Variants in PPIH observed in about 807,000 individuals in gnomAD.
PPIH encodes peptidylprolyl isomerase H.
PPIH carries 16 observed loss-of-function variants against 27.6 expected under a neutral mutation model. That is an observed-to-expected ratio of 0.58 (90% CI 0.39 to 0.88). The LOEUF (loss-of-function observed/expected upper bound fraction) is 0.88, where lower values mean the gene tolerates loss of function less well. Among genes scored for constraint, PPIH ranks in the 40% least tolerant of loss-of-function variants. The probability of loss-of-function intolerance (pLI) is 0.00; values close to 1 mark genes in which losing one functional copy is unlikely to be tolerated. For missense variants in PPIH, 155 were observed against 224.1 expected, an observed-to-expected ratio of 0.69 and a Z score of 1.97; for synonymous variants, 63 against 76.1, an observed-to-expected ratio of 0.83 and a Z score of 0.90.
intron 5 of PPIH, among the ~76,000 whole-genome samples, chr1:42,663,436 G>A (rs1470255976): frequency 6.6e-6 from 1 of 151,478 alleles, no homozygotes; most frequent in African/African-American, 2.4e-5. Flanking sequence ...TCGCTCTGTC[G>A]CCCAGGCTGG....
intron 7 of PPIH, 113 bp downstream of exon 7, chr1:42,666,180 G>C: frequency 1.0e-6 from 1 of 1,003,934 alleles, no homozygotes; most frequent in Non-Finnish European, 1.5e-6. Context: ...AACTGCTTAG[G>C]TGGTAATAGA....
chr1:42,663,765 G>A (rs1320527773), intron 5 of PPIH, among the ~76,000 whole-genome samples: 1 of 152,218 alleles, frequency 6.6e-6, no homozygotes, highest in East Asian at 1.9e-4. Flanking sequence ...GTTTGAATTT[G>A]GACAGTTTTT....
chr1:42,678,503 G>A (rs1362368093), downstream of PPIH, among the ~76,000 whole-genome samples: 3 of 152,168 alleles, frequency 2.0e-5, no homozygotes, highest in Non-Finnish European at 2.9e-5. Context: ...AGGTTCAAGC[G>A]ATTCTCCTGC....
chr1:42,663,795 T>G (rs1008458874), intron 5 of PPIH, among the ~76,000 whole-genome samples: 4 of 152,222 alleles, frequency 2.6e-5, no homozygotes, highest in African/African-American at 9.6e-5. Flanking sequence ...CTGGCTTATA[T>G]TAATGGTAGT....
At chr1:42,677,073 G>A (rs1484204030), downstream of PPIH, among the ~76,000 whole-genome samples, 1 of 152,216 alleles carries the variant, frequency 6.6e-6, no homozygotes, top group Non-Finnish European at 1.5e-5. Flanking sequence ...TGAGGAAAGG[G>A]TCACTAACTT....
At position 42,659,571 on chromosome 1, in the gene PPIH, G is replaced by T. The variant is rs1465608075; in HGVS notation, c.200+5G>T. On this transcript the variant is annotated splice_donor_5th_base_variant and intron_variant, in intron 4 of 9. Transcript: ENST00000304979. ...CAAAGGAAGCACCTTCCACAGGTAA[G>T]GCTCTTGGCAAGCCATCCTGGAGTC... 2 of 1,612,484 alleles carry T rather than the reference G, an allele frequency of 1.2e-6. No individual in the cohort carries two copies. Among genetic ancestry groups the T allele is most frequent in the Non-Finnish European group, 1.7e-6 (2 of 1,179,688 alleles).
At chr1:42,662,035 T>C (rs1649053350) in intron 5 of PPIH, among the ~76,000 whole-genome samples, 1 of 152,206 alleles carries the variant, frequency 6.6e-6, no homozygotes, top group Admixed American at 6.5e-5. Flanking sequence ...TGTGGGCATT[T>C]GTTTGCAGCC....
intron 9 of PPIH, among the ~76,000 whole-genome samples, chr1:42,670,827 G>A (rs565049947): frequency 3.9e-5 from 6 of 151,992 alleles, no homozygotes; most frequent in Non-Finnish European, 8.8e-5. Context: ...ATGGAGTCTC[G>A]CTCTGTCGCC....
chr1:42,662,689 T>G (rs1649105889), intron 5 of PPIH, among the ~76,000 whole-genome samples: 1 of 152,234 alleles, frequency 6.6e-6, no homozygotes, highest in Non-Finnish European at 1.5e-5. Context: ...ATTTTTGGTT[T>G]TAATAGTATT....
intron 8 of PPIH, 54 bp downstream of exon 8, chr1:42,666,641 T>TG: frequency 1.9e-6 from 3 of 1,555,134 alleles, no homozygotes; most frequent in Non-Finnish European, 2.7e-6. Flanking sequence ...TGGTACTGTC[T>TG]GACTAGCGTG....
intron 4 of PPIH, among the ~76,000 whole-genome samples, chr1:42,660,354 A>G (rs1196830680): frequency 6.6e-6 from 1 of 152,188 alleles, no homozygotes; most frequent in Non-Finnish European, 1.5e-5. Flanking sequence ...CTAATTTATA[A>G]CGAAAATCCT....
chr1:42,659,791 T>C (rs1319287552), intron 4 of PPIH, among the ~76,000 whole-genome samples: 1 of 152,250 alleles, frequency 6.6e-6, no homozygotes, highest in Non-Finnish European at 1.5e-5. Context: ...ATATCTTGTC[T>C]TTTTCATGCA....
chr1:42,674,496 G>C (rs1485977965), intron 9 of PPIH, among the ~76,000 whole-genome samples: 1 of 152,246 alleles, frequency 6.6e-6, no homozygotes, highest in Admixed American at 6.5e-5. Context: ...TGAGGGCAGA[G>C]GCTGACTTTC....
chr1:42,664,853 C>G lies in PPIH; in HGVS notation c.244-10C>G, dbSNP rs567392219. Reference sequence around the variant, plus strand: ...TCCAAGTCACTAATACTTCCCTTCTCTCTGCTCAGGGAGATGGTACTGGAG... The same window carrying G: ...TCCAAGTCACTAATACTTCCCTTCTGTCTGCTCAGGGAGATGGTACTGGAG... On this transcript the variant is annotated splice_polypyrimidine_tract_variant and intron_variant, in intron 5 of 9. Transcript: ENST00000304979. 5 of 1,605,526 alleles carry G rather than the reference C, an allele frequency of 3.1e-6. 1 individual carries two copies. The South Asian group carries it at 3.3e-5, about 11-fold the overall frequency.
At chr1:42,671,800 G>A (rs1649649548) in intron 9 of PPIH, among the ~76,000 whole-genome samples, 1 of 152,106 alleles carries the variant, frequency 6.6e-6, no homozygotes, top group Admixed American at 6.5e-5. Context: ...ATTAATGAAA[G>A]AGGAGATGAA....
intron 9 of PPIH, among the ~76,000 whole-genome samples, chr1:42,669,969 A>G (rs1649540642): frequency 6.6e-6 from 1 of 152,206 alleles, no homozygotes. Context: ...CAAATACCTG[A>G]CCATTTTAAT....
chr1:42,666,072 G>C lies in PPIH; in HGVS notation c.424+5G>C, dbSNP rs778293877. ...ATGGGAAGCATGTGGTGTTTGGTAA[G>C]TCCTACTCCTGTCTCATGGTCCAGG... On this transcript the variant is annotated splice_donor_5th_base_variant and intron_variant, in intron 7 of 9. Coordinates refer to ENST00000304979, the MANE Select transcript of PPIH (RefSeq NM_006347.4). 7 of 1,613,546 alleles carry C rather than the reference G, an allele frequency of 4.3e-6. No homozygotes were observed. Among genetic ancestry groups the C allele is most frequent in the Non-Finnish European group, 5.9e-6 (7 of 1,179,460 alleles).
intron 4 of PPIH, 97 bp downstream of exon 4, chr1:42,659,663 AT>A (rs1648894214): frequency 6.7e-7 from 1 of 1,501,972 alleles, no homozygotes; most frequent in African/African-American, 1.4e-5. Flanking sequence ...TAATTCTTAC[AT>A]TTCTTGAGAA....
In PPIH at chr1:42,658,985, C is replaced by G; in HGVS notation, c.131+77C>G. 2.0e-6 allele frequency: 3 copies of G among 1,492,806 alleles called. No individual in the cohort carries two copies. In the East Asian group the frequency reaches 6.8e-5, roughly 34 times the overall value. 92.5% of individuals were successfully genotyped at this position (1,492,806 alleles called of 1,614,324 possible). Reference sequence around the variant, plus strand: ...CAGTCAGCCGCCTGAAATAGCCTGTCTACCTCTGTCCGTCCGCTCACTGCT... The same window carrying G: ...CAGTCAGCCGCCTGAAATAGCCTGTGTACCTCTGTCCGTCCGCTCACTGCT... On this transcript the variant is annotated intron_variant, in intron 2 of 9. Transcript: ENST00000304979.
Sources: gnomAD v4.1 joint callset for allele counts (sites outside exome capture counted in the v4.1 genomes callset) on GRCh38, gnomAD v4.1.1 for gene constraint, MANE v1.5 for transcripts, NCBI Gene and HGNC (gene_info 2026-07-23, HGNC 2026-07-21) for gene names.